Variants in MAP4 observed in about 807,000 individuals in gnomAD.
MAP4 encodes the protein microtubule associated protein 4, also known as microtubule-associated protein 4.
Under a neutral mutation model 170.2 loss-of-function variants are expected in MAP4, and 76 were observed. That is an observed-to-expected ratio of 0.45 (90% CI 0.37 to 0.54). MAP4 has a LOEUF of 0.54. MAP4 is among the 20% of genes least tolerant of loss of function. The pLI is 0.00. For missense variants in MAP4, 2,506 were observed against 2,748.0 expected, an observed-to-expected ratio of 0.91 and a Z score of 1.97; for synonymous variants, 909 against 994.5, an observed-to-expected ratio of 0.91 and a Z score of 1.62.
chr3:47,882,930 C>G (rs1181348761), intron 10 of MAP4, among the ~76,000 whole-genome samples: 1 of 152,036 alleles, frequency 6.6e-6, no homozygotes, highest in Non-Finnish European at 1.5e-5. Flanking sequence ...CCTCAGCCAA[C>G]CGAGCAGCTG....
chr3:47,920,289 TA>T (rs1372227393), intron 5 of MAP4, among the ~76,000 whole-genome samples: 1 of 152,114 alleles, frequency 6.6e-6, no homozygotes, highest in Non-Finnish European at 1.5e-5. Flanking sequence ...CTATTTTTAG[TA>T]GAGATGGGGT....
intron 17 of MAP4, among the ~76,000 whole-genome samples, chr3:47,863,937 T>TGTGGGG (rs374208589): frequency 2.9e-5 from 4 of 138,356 alleles, no homozygotes; most frequent in African/African-American, 1.1e-4. Context: ...TGTGTGTGTG[T>TGTGGGG]GGGGAGTGGT....
intron 1 of MAP4, among the ~76,000 whole-genome samples, chr3:48,013,255 T>C (rs1314606239): frequency 6.6e-6 from 1 of 152,120 alleles, no homozygotes; most frequent in Non-Finnish European, 1.5e-5. Flanking sequence ...AATCTGGATG[T>C]TCAGGAGGAT....
intron 3 of MAP4, among the ~76,000 whole-genome samples, chr3:47,955,729 T>C (rs1390901438): frequency 6.6e-6 from 1 of 152,172 alleles, no homozygotes; most frequent in Non-Finnish European, 1.5e-5. Context: ...CAATGTTTGG[T>C]AGGCTTCAAC....
At position 47,921,845 on chromosome 3, in the gene MAP4, G is replaced by A; in HGVS notation, c.449C>T (p.Ala150Val). 1.2e-6 allele frequency: 2 copies of A among 1,602,072 alleles called. No individual in the cohort carries two copies. Among genetic ancestry groups the A allele is most frequent in the Non-Finnish European group, 8.6e-7 (1 of 1,169,054 alleles). ...PFKMYHDDDL[A>V]DLVFPSSATA... ...CGCACTGGAGGGAAAGACCAAATCT[G>A]CCAGGTCATCATCATGGTACATCTT... The change falls in exon 5 of 21, where the codon GCA (alanine) becomes GTA (valine). Residue 150 changes from alanine to valine, a missense_variant. Coordinates refer to ENST00000683076, the MANE Select transcript of MAP4 (RefSeq NM_001385682.1).
In MAP4 at chr3:47,852,863, G is replaced by A. The variant is rs751892834; in HGVS notation, c.*71C>T. On this transcript the variant is annotated 3_prime_UTR_variant, in exon 21 of 21. Coordinates refer to ENST00000683076, the MANE Select transcript of MAP4 (RefSeq NM_001385682.1). ...TTGGGGCCGCCAGGGAAGTGTGGGG[G>A]GCGGGAGACAATGTCGGCCCCGTGG... 1.3e-6 allele frequency: 2 copies of A among 1,568,634 alleles called. No individual in the cohort carries two copies. Among genetic ancestry groups the A allele is most frequent in the Non-Finnish European group, 1.7e-6 (2 of 1,156,786 alleles).
At chr3:48,026,752 T>C (rs2100113318) in intron 1 of MAP4, among the ~76,000 whole-genome samples, 1 of 152,148 alleles carries the variant, frequency 6.6e-6, no homozygotes, top group Non-Finnish European at 1.5e-5. Flanking sequence ...TTTTAAGTGA[T>C]GAACACCCAC....
intron 1 of MAP4, among the ~76,000 whole-genome samples, chr3:48,022,452 A>C (rs1273369192): frequency 6.6e-6 from 1 of 152,210 alleles, no homozygotes; most frequent in African/African-American, 2.4e-5. Flanking sequence ...AGATGGGCTT[A>C]TTTCTAATTG....
At chr3:48,066,102 T>C (rs1443947504) in intron 1 of MAP4, among the ~76,000 whole-genome samples, 1 of 152,190 alleles carries the variant, frequency 6.6e-6, no homozygotes, top group East Asian at 1.9e-4. Context: ...CTATATAGTA[T>C]ATCCGTAGAA....
rs59208724 is a variant in MAP4, at chr3:47,858,586, G to GGTGTGTGTGTGT, written c.6502-1086_6502-1075dup. Among the ~76,000 whole-genome samples, 516 of 145,272 alleles carry GGTGTGTGTGTGT rather than the reference G, an allele frequency of 3.6e-3. 6 individuals are homozygous for GGTGTGTGTGTGT. The highest frequency in any genetic ancestry group is 0.012 in the African/African-American group (480 of 38,608). On this transcript the variant is annotated intron_variant, in intron 17 of 20. Transcript: ENST00000683076. ...TTCCCCTTGGGAGAGGTGAGGGGGT[G>GGTGTGTGTGTGT]GTGTGTGTGTGTGTGTGTGTGTGTG...
chr3:47,881,701 G>A (rs370756338), intron 10 of MAP4, among the ~76,000 whole-genome samples: 26 of 150,594 alleles, frequency 1.7e-4, no homozygotes, highest in African/African-American at 6.1e-4. Flanking sequence ...CTACCTCCTC[G>A]GTTCAAGTGA....
intron 12 of MAP4, among the ~76,000 whole-genome samples, chr3:47,872,951 A>G (rs1321281401): frequency 6.6e-6 from 1 of 152,222 alleles, no homozygotes; most frequent in Admixed American, 6.5e-5. Context: ...TGAGCTGCAG[A>G]TGGAGAGGCC....
intron 1 of MAP4, among the ~76,000 whole-genome samples, chr3:48,003,274 G>A (rs1459470214): frequency 6.6e-6 from 1 of 151,912 alleles, no homozygotes; most frequent in Non-Finnish European, 1.5e-5. Context: ...TTAACATGGT[G>A]AAACCTCCTC....
At chr3:47,955,087 C>G (rs1442739764) in intron 3 of MAP4, among the ~76,000 whole-genome samples, 1 of 152,102 alleles carries the variant, frequency 6.6e-6, no homozygotes, top group African/African-American at 2.4e-5. Context: ...TGATTTAACT[C>G]GCCAGTTTGT....
intron 1 of MAP4, among the ~76,000 whole-genome samples, chr3:48,041,442 A>T (rs2100121590): frequency 7.2e-6 from 1 of 137,988 alleles, no homozygotes; most frequent in African/African-American, 3.4e-5. Context: ...TGAAAAATTA[A>T]AAAAAAAAAA....
intron 1 of MAP4, among the ~76,000 whole-genome samples, chr3:48,055,897 CCCCGTCTGGGAGGTGAGGAGCGT>C (rs2100130956): frequency 1.8e-5 from 1 of 56,760 alleles, no homozygotes; most frequent in Non-Finnish European, 5.1e-5. Context: ...CCGGCCGAGA[CCCCGTCTGGGAGGTGAGGAGCGT>C]CTCTGCCCGG....
At chr3:47,888,694 G>A (rs1032193602) in intron 10 of MAP4, among the ~76,000 whole-genome samples, 1 of 152,230 alleles carries the variant, frequency 6.6e-6, no homozygotes, top group South Asian at 2.1e-4. Flanking sequence ...TCCAGACACA[G>A]TAGTAAGCTT....
At chr3:48,020,270 TCACCTTTTATCCTGGACA>T (rs2100109925), upstream of MAP4, among the ~76,000 whole-genome samples, 1 of 152,342 alleles carries the variant, frequency 6.6e-6, no homozygotes, top group East Asian at 1.9e-4. Flanking sequence ...AGCATCTTTC[TCACCTTTTATCCTGGACA>T]TCTAAATATA....
intron 10 of MAP4, among the ~76,000 whole-genome samples, chr3:47,895,039 G>C (rs1169472469): frequency 6.6e-6 from 1 of 151,752 alleles, no homozygotes. Flanking sequence ...AAAAAAAGGG[G>C]GTGAGGAAGA....
Sources: gnomAD v4.1 joint callset for allele counts (sites outside exome capture counted in the v4.1 genomes callset) on GRCh38, gnomAD v4.1.1 for gene constraint, MANE v1.5 for transcripts, NCBI Gene and HGNC (gene_info 2026-07-23, HGNC 2026-07-21) for gene names.